Variants in GMDS observed in about 807,000 individuals in gnomAD.
GMDS encodes the protein GDP-mannose 4,6 dehydratase.
A neutral mutation model predicts 49.9 loss-of-function variants in GMDS; 20 were observed. The ratio of observed to expected loss-of-function variants is 0.40; its 90% CI spans 0.28 to 0.58. The LOEUF (loss-of-function observed/expected upper bound fraction) is 0.58. Ranked by LOEUF, GMDS falls within the 20% of genes least tolerant of loss-of-function variation. The pLI, the probability that GMDS is intolerant of heterozygous loss-of-function variation, is 0.42. For missense variants in GMDS, 362 were observed against 481.4 expected, an observed-to-expected ratio of 0.75 and a Z score of 2.32; for synonymous variants, 177 against 178.6, an observed-to-expected ratio of 0.99 and a Z score of 0.07.
intron 7 of GMDS, among the ~76,000 whole-genome samples, chr6:1,907,708 A>G (rs1760845272): frequency 6.6e-6 from 1 of 152,230 alleles, no homozygotes; most frequent in South Asian, 2.1e-4. Flanking sequence ...CATGGGAGGC[A>G]GGTGAGCCTC....
intron 4 of GMDS, among the ~76,000 whole-genome samples, chr6:2,021,804 G>T (rs1446509723): frequency 1.3e-4 from 20 of 152,146 alleles, no homozygotes; most frequent in Admixed American, 1.3e-4. Flanking sequence ...GCTCTGTAAG[G>T]CGATACTAAC....
At chr6:1,815,546 C>T (rs1770623221) in intron 7 of GMDS, among the ~76,000 whole-genome samples, 1 of 152,148 alleles carries the variant, frequency 6.6e-6, no homozygotes, top group Non-Finnish European at 1.5e-5. Flanking sequence ...TGGAATAATC[C>T]ATTTATGTGA....
At chr6:2,215,234 G>C (rs1780270026) in intron 1 of GMDS, among the ~76,000 whole-genome samples, 1 of 152,122 alleles carries the variant, frequency 6.6e-6, no homozygotes, top group South Asian at 2.1e-4. Context: ...CAGAGATAGA[G>C]ACACAGAGAA....
chr6:1,976,368 C>A (rs1388444262), intron 4 of GMDS, among the ~76,000 whole-genome samples: 1 of 152,184 alleles, frequency 6.6e-6, no homozygotes, highest in African/African-American at 2.4e-5. Context: ...CAGGAACTAC[C>A]TCTGTCTTGT....
At chr6:2,018,619 T>C (rs1768052389) in intron 4 of GMDS, among the ~76,000 whole-genome samples, 1 of 152,236 alleles carries the variant, frequency 6.6e-6, no homozygotes, top group Non-Finnish European at 1.5e-5. Context: ...AACTGGCTTT[T>C]TCACTTACCA....
At chr6:2,023,311 G>A (rs1206364902) in intron 4 of GMDS, among the ~76,000 whole-genome samples, 1 of 152,206 alleles carries the variant, frequency 6.6e-6, no homozygotes, top group African/African-American at 2.4e-5. Flanking sequence ...CATTAATGAT[G>A]ATGGCCATAA....
At chr6:1,768,565 T>C (rs1034594131) in intron 7 of GMDS, among the ~76,000 whole-genome samples, 4 of 152,238 alleles carry the variant, frequency 2.6e-5, no homozygotes, top group East Asian at 1.9e-4. Flanking sequence ...TGTCACATAA[T>C]ATACAGGTTG....
intron 9 of GMDS, among the ~76,000 whole-genome samples, chr6:1,626,849 G>A (rs1762862205): frequency 1.3e-5 from 2 of 152,210 alleles, no homozygotes; most frequent in African/African-American, 2.4e-5. Flanking sequence ...CTACAATTAA[G>A]GAAAAAGAAA....
At chr6:1,917,525 A>G (rs896313430) in intron 7 of GMDS, among the ~76,000 whole-genome samples, 2 of 152,270 alleles carry the variant, frequency 1.3e-5, no homozygotes, top group African/African-American at 4.8e-5. Context: ...CCAGGGTTTA[A>G]AATAAGTTCT....
intron 7 of GMDS, among the ~76,000 whole-genome samples, chr6:1,803,134 T>C (rs770086569): frequency 2.6e-4 from 39 of 152,216 alleles, no homozygotes; most frequent in Admixed American, 9.8e-4. Context: ...ACATAACTCA[T>C]AGTGTTATGG....
At chr6:1,702,744 A>G (rs1765585940) in intron 9 of GMDS, among the ~76,000 whole-genome samples, 1 of 152,224 alleles carries the variant, frequency 6.6e-6, no homozygotes, top group Non-Finnish European at 1.5e-5. Context: ...TTAAGCCATC[A>G]GCACTCAGGG....
At chr6:2,044,166 G>T (rs778515759) in intron 4 of GMDS, among the ~76,000 whole-genome samples, 21 of 152,246 alleles carry the variant, frequency 1.4e-4, no homozygotes, top group Admixed American at 2.6e-4. Flanking sequence ...ATTCCTCAAA[G>T]AACTAAAAAC....
chr6:1,758,799 G>A (rs1229542737), intron 7 of GMDS, among the ~76,000 whole-genome samples: 2 of 152,174 alleles, frequency 1.3e-5, no homozygotes, highest in East Asian at 1.9e-4. Flanking sequence ...TTACAGGCGC[G>A]GTGGCTCACG....
intron 4 of GMDS, among the ~76,000 whole-genome samples, chr6:2,027,252 G>A (rs947826677): frequency 5.9e-5 from 9 of 152,178 alleles, no homozygotes; most frequent in African/African-American, 2.2e-4. Flanking sequence ...TTTTGGGCAA[G>A]GACATTCTCT....
intron 3 of GMDS, among the ~76,000 whole-genome samples, chr6:2,116,932 G>T (rs937996399): frequency 1.3e-5 from 2 of 152,076 alleles, no homozygotes; most frequent in African/African-American, 4.8e-5. Context: ...CAAGAAAACA[G>T]TCTGCTTGTG....
intron 1 of GMDS, among the ~76,000 whole-genome samples, chr6:2,167,552 C>T (rs2127551437): frequency 6.6e-6 from 1 of 152,230 alleles, no homozygotes; most frequent in Non-Finnish European, 1.5e-5. Context: ...TTTACAGGTC[C>T]CCCATAAACC....
chr6:1,920,223 CT>C (rs1161690706), intron 7 of GMDS, among the ~76,000 whole-genome samples: 1 of 152,210 alleles, frequency 6.6e-6, no homozygotes, highest in Non-Finnish European at 1.5e-5. Context: ...AGAGGGTCCC[CT>C]GAGGATGAGC....
intron 4 of GMDS, among the ~76,000 whole-genome samples, chr6:2,101,488 A>C (rs933390726): frequency 5.3e-5 from 8 of 152,068 alleles, no homozygotes; most frequent in African/African-American, 1.9e-4. Context: ...AAGAATCATC[A>C]TCATGTAAGA....
chr6:1,742,059 T>TA (rs1159496248), intron 8 of GMDS, among the ~76,000 whole-genome samples: 1 of 151,286 alleles, frequency 6.6e-6, no homozygotes, highest in African/African-American at 2.4e-5. Flanking sequence ...GTAGCTGGGA[T>TA]AACAGGCGCG....
Sources: gnomAD v4.1 joint callset for allele counts (sites outside exome capture counted in the v4.1 genomes callset) on GRCh38, gnomAD v4.1.1 for gene constraint, MANE v1.5 for transcripts, NCBI Gene and HGNC (gene_info 2026-07-23, HGNC 2026-07-21) for gene names.